The following SLC6A9 variants were observed in gnomAD, a reference collection of about 807,000 sequenced individuals.
The protein encoded by SLC6A9 is solute carrier family 6 member 9.
In SLC6A9, 31 loss-of-function variants were observed where a neutral mutation model predicts 70.9. That is an observed-to-expected ratio of 0.44 (90% CI 0.33 to 0.59). The LOEUF is 0.59. Among genes scored for constraint, SLC6A9 ranks in the 20% least tolerant of loss-of-function variants. The pLI is 0.04. For missense variants in SLC6A9, 631 were observed against 845.2 expected (o/e 0.75, Z 3.14); for synonymous variants, 310 against 341.3 (o/e 0.91, Z 1.01).
intron 1 of SLC6A9, among the ~76,000 whole-genome samples, chr1:44,027,566 T>C (rs1030375567): frequency 1.3e-5 from 2 of 152,214 alleles, no homozygotes; most frequent in African/African-American, 2.4e-5. Flanking sequence ...ACAATATTGA[T>C]TGCAGGTCTG....
chr1:44,002,348 C>T lies in SLC6A9; in HGVS notation c.927G>A (p.Met309Ile). 3.7e-6 allele frequency: 6 copies of T among 1,614,056 alleles called. No homozygotes were observed. Among genetic ancestry groups the T allele is most frequent in the Non-Finnish European group, 5.1e-6 (6 of 1,179,958 alleles). ...LGCAWGGLITMASYNKFHNNC... is the reference protein window; with the variant it reads ...LGCAWGGLITIASYNKFHNNC... ...TATTGTGGAACTTGTTGTAGGAAGC[C>T]ATGGTGATGAGGCCTCCCCACGCGC... Residue 309 changes from methionine (M) to isoleucine (I), a missense_variant, in exon 8 of 14, where the codon ATG becomes ATA. Coordinates refer to ENST00000372310, the MANE Select transcript of SLC6A9 (RefSeq NM_001024845.3). This position sits in a 1 kb window ranked among gnomAD's most constrained non-coding sequence, Gnocchi z 5.5.
At chr1:44,005,234 G>A (rs1363746625) in intron 5 of SLC6A9, among the ~76,000 whole-genome samples, 1 of 152,164 alleles carries the variant, frequency 6.6e-6, no homozygotes, top group African/African-American at 2.4e-5. Flanking sequence ...AGGTGAGAAG[G>A]CCTGGTCACG....
chr1:44,004,136 A>G (rs1249205006), intron 5 of SLC6A9, among the ~76,000 whole-genome samples: 1 of 151,892 alleles, frequency 6.6e-6, no homozygotes, highest in African/African-American at 2.4e-5. Context: ...CTGGGATTAC[A>G]GGTATGCACC....
intron 2 of SLC6A9, chr1:44,017,314 G>T: frequency 7.0e-7 from 1 of 1,424,550 alleles, no homozygotes; most frequent in South Asian, 1.5e-5. Context: ...GAGCTGGAGT[G>T]GGGTGTGTGG....
At chr1:44,027,115 G>A (rs1043329692) in intron 1 of SLC6A9, among the ~76,000 whole-genome samples, 9 of 152,088 alleles carry the variant, frequency 5.9e-5, no homozygotes, top group Admixed American at 1.3e-4. Flanking sequence ...TCTCTTCTAC[G>A]TGTGGAAGAT....
chr1:43,998,977 G>A (rs2085984273), intron 12 of SLC6A9, among the ~76,000 whole-genome samples: 2 of 116,300 alleles, frequency 1.7e-5, no homozygotes, highest in Admixed American at 8.4e-5. Flanking sequence ...GGGCCTGGCG[G>A]GGGAAGGGGG....
chr1:43,996,693 T>C lies in SLC6A9; in HGVS notation c.*852A>G, dbSNP rs2154303873. The C allele has an allele frequency of 6.5e-6, 1 of 154,326 alleles. No individual in the cohort carries two copies. The highest frequency in any genetic ancestry group is 1.4e-5 in the Non-Finnish European group (1 of 69,324). 9.6% of individuals were successfully genotyped at this position (154,326 alleles called of 1,614,324 possible). On this transcript the variant is annotated 3_prime_UTR_variant, in exon 14 of 14. Transcript: ENST00000372310. ...TCCCACTCCAGAGAGGGGAGGGGCA[T>C]GTGGGCTGGGGCCATTTGGCACATG...
At chr1:44,026,280 A>G (rs1464069233) in intron 1 of SLC6A9, among the ~76,000 whole-genome samples, 1 of 152,222 alleles carries the variant, frequency 6.6e-6, no homozygotes, top group Non-Finnish European at 1.5e-5. Flanking sequence ...TGTAAACTCT[A>G]TATTTGACTT....
Position 44,011,798 on chromosome 1 carries a change from G to T in SLC6A9, c.31-916C>A, listed in dbSNP as rs573583795. ...CCAGGGAAGAATGTGGGGCCTGCAGGACTGAGCTGGTGGCCTGGGCCCCAC... is the reference window on the plus strand; with the variant it reads ...CCAGGGAAGAATGTGGGGCCTGCAGTACTGAGCTGGTGGCCTGGGCCCCAC... On this transcript the variant is annotated intron_variant, in intron 2 of 13. Coordinates refer to ENST00000372310, the MANE Select transcript of SLC6A9 (RefSeq NM_001024845.3). 4 of 1,449,466 alleles carry T rather than the reference G, an allele frequency of 2.8e-6. No homozygotes were observed. In the African/African-American group the frequency reaches 4.2e-5, roughly 15 times the overall value. The allele number at this position is 1,449,466 out of a possible 1,614,324, so 89.8% of individuals were successfully genotyped here.
intron 3 of SLC6A9, chr1:44,010,469 G>A (rs58276105): frequency 1.6e-5 from 4 of 254,340 alleles, no homozygotes; most frequent in African/African-American, 7.4e-5. Flanking sequence ...GGGGGGGGGG[G>A]GGTTAGGTCC....
intron 1 of SLC6A9, among the ~76,000 whole-genome samples, chr1:44,026,796 C>T (rs2086990927): frequency 6.6e-6 from 1 of 152,198 alleles, no homozygotes; most frequent in African/African-American, 2.4e-5. Flanking sequence ...TCCTGGAATT[C>T]CTCCAATTCC....
intron 1 of SLC6A9, among the ~76,000 whole-genome samples, chr1:44,028,687 A>G (rs1353153424): frequency 1.3e-5 from 2 of 152,230 alleles, no homozygotes; most frequent in Admixed American, 6.5e-5. Flanking sequence ...CTTGGGAGAC[A>G]GAGGTTGCAG....
At chr1:44,010,211 G>A in intron 3 of SLC6A9, 115 bp from the exon 4 acceptor site, 1 of 1,173,758 alleles carries the variant, frequency 8.5e-7, no homozygotes. Flanking sequence ...CCAGGGAGGA[G>A]TGTGCCAGGC....
intron 1 of SLC6A9, among the ~76,000 whole-genome samples, chr1:44,024,728 C>T (rs2086950650): frequency 6.6e-6 from 1 of 152,238 alleles, no homozygotes; most frequent in African/African-American, 2.4e-5. Flanking sequence ...CAGATCAGCA[C>T]ACTCTCCCCA....
intron 1 of SLC6A9, among the ~76,000 whole-genome samples, chr1:44,029,454 C>T (rs1488739314): frequency 1.3e-5 from 2 of 152,220 alleles, no homozygotes; most frequent in African/African-American, 2.4e-5. Context: ...GCTCCTGCTT[C>T]ATGCCTTTGC....
intron 12 of SLC6A9, among the ~76,000 whole-genome samples, chr1:43,998,986 G>GT (rs1553160182): frequency 6.6e-6 from 1 of 151,378 alleles, no homozygotes; most frequent in South Asian, 2.1e-4. Flanking sequence ...GGGGGAAGGG[G>GT]GGGGGCAGTC....
chr1:44,026,955 G>A (rs1425597991), intron 1 of SLC6A9, among the ~76,000 whole-genome samples: 2 of 152,208 alleles, frequency 1.3e-5, no homozygotes, highest in Non-Finnish European at 2.9e-5. Context: ...CAGGTAGTTC[G>A]TGGACTGGAG....
chr1:44,008,541 G>T lies in SLC6A9; in HGVS notation c.402C>A (p.Phe134Leu), dbSNP rs1175573702. 1.2e-6 allele frequency: 2 copies of T among 1,614,170 alleles called. No individual in the cohort carries two copies. The highest frequency in any genetic ancestry group is 4.5e-5 in the East Asian group (2 of 44,876). The change falls in exon 5 of 14, where the codon TTC becomes TTA. Residue 134 changes from phenylalanine (F) to leucine (L), a missense_variant. By Grantham distance (22) the Phe-to-Leu change is conservative. Coordinates refer to ENST00000372310, the MANE Select transcript of SLC6A9 (RefSeq NM_001024845.3). ...NVVICIAFYYFFSSMTHVLPW... is the reference protein window; with the variant it reads ...NVVICIAFYYLFSSMTHVLPW... ...GCAGCACGTGCGTCATGGACGAGAA[G>T]AAGTAGTAGAAGGCGATGCAGATGA...
At chr1:43,999,729 T>G (rs115134800) in intron 12 of SLC6A9, among the ~76,000 whole-genome samples, 1 of 152,218 alleles carries the variant, frequency 6.6e-6, no homozygotes, top group African/African-American at 2.4e-5. Flanking sequence ...TTCAGAAACA[T>G]GAGCCACAGG....
Sources: allele counts gnomAD v4.1 joint callset (sites outside exome capture counted in the v4.1 genomes callset), GRCh38; gene constraint gnomAD v4.1.1; non-coding constraint Gnocchi (gnomAD v3.1); transcripts MANE v1.5; gene names NCBI Gene and HGNC (gene_info 2026-07-23, HGNC 2026-07-21).